TNS3: variants seen among roughly 807,000 people sequenced by gnomAD.
TNS3 encodes the protein tensin 3, also known as tensin-3.
TNS3 carries 45 observed loss-of-function variants against 140.9 expected under a neutral mutation model. That is an observed-to-expected ratio of 0.32 (90% confidence interval 0.25 to 0.41). TNS3 has a LOEUF of 0.41. TNS3 is among the 10% of genes least tolerant of loss of function. TNS3 has a pLI of 1.00. For synonymous variants in TNS3, 815 were observed against 788.4 expected, an observed-to-expected ratio of 1.03 and a Z score of -0.56; for missense variants, 1,716 against 1,906.7, an observed-to-expected ratio of 0.90 and a Z score of 1.86.
intron 20 of TNS3, among the ~76,000 whole-genome samples, chr7:47,322,346 AC>A (rs1787789813): frequency 6.6e-6 from 1 of 151,990 alleles, no homozygotes; most frequent in African/African-American, 2.4e-5. Context: ...ACATGGTGAA[AC>A]CCCGTCTCTA....
At position 47,368,630 on chromosome 7, in the gene TNS3, G is replaced by T. The variant is rs748099326; in HGVS notation, c.2016C>A (p.Asp672Glu). 1.3e-6 allele frequency: 2 copies of T among 1,598,350 alleles called. No individual in the cohort carries two copies. The highest frequency in any genetic ancestry group is 2.7e-5 in the African/African-American group (2 of 74,684). Residue 672 changes from aspartate (D) to glutamate (E), a missense_variant, in exon 17 of 31, where the codon GAC becomes GAA. Physicochemically the swap from Asp to Glu is conservative, Grantham distance 45 (BLOSUM62 2). This residue lies in a region of TNS3 where 1,163 missense variants were observed against 1,182.1 expected (regional missense o/e 0.98). Coordinates refer to ENST00000311160, the MANE Select transcript of TNS3 (RefSeq NM_022748.12). ...SKAFKPRFPG[D>E]QVVNGAGPEL... is the part of the protein sequence containing the mutation. ...CTGGGCCGGCTCCATTCACAACCTGGTCTCCTGGAAACCTGGGTTTGAACG... is the reference window on the plus strand; with the variant it reads ...CTGGGCCGGCTCCATTCACAACCTGTTCTCCTGGAAACCTGGGTTTGAACG...
chr7:47,445,936 T>C (rs1795706438), intron 4 of TNS3, among the ~76,000 whole-genome samples: 2 of 152,212 alleles, frequency 1.3e-5, no homozygotes, highest in African/African-American at 4.8e-5. Flanking sequence ...GTGTGCACCA[T>C]AATGCATTTC....
Position 47,468,447 on chromosome 7 carries a change from A to AAATAAATG in TNS3, c.-76+12655_-76+12656insCATTTATT, listed in dbSNP as rs1346579840. On this transcript the variant is annotated intron_variant, in intron 4 of 30. Transcript: ENST00000311160. ...CAGGGCAAGAATCTGTCTCAAAAAT[A>AAATAAATG]AATAAATAAATAAATAAAATCAGTA... Among the ~76,000 whole-genome samples the AAATAAATG allele has an allele frequency of 4.8e-3, 731 of 152,190 alleles. 6 individuals are homozygous for AAATAAATG. The highest frequency in any genetic ancestry group is 0.017 in the African/African-American group (687 of 41,490).
At chr7:47,466,911 C>T (rs1342819776) in intron 4 of TNS3, among the ~76,000 whole-genome samples, 3 of 152,188 alleles carry the variant, frequency 2.0e-5, no homozygotes, top group Admixed American at 6.5e-5. Flanking sequence ...GTTAAATGCT[C>T]GATTGCTTCT....
chr7:47,317,460 C>T (rs886174929), intron 20 of TNS3, among the ~76,000 whole-genome samples: 1 of 152,212 alleles, frequency 6.6e-6, no homozygotes, highest in African/African-American at 2.4e-5. Flanking sequence ...GGAAAGAAAA[C>T]ACATTTACCA....
intron 20 of TNS3, among the ~76,000 whole-genome samples, chr7:47,329,100 C>G (rs183864133): frequency 4.4e-4 from 67 of 152,278 alleles, no homozygotes; most frequent in Non-Finnish European, 8.1e-4. Context: ...GCTCTGTTCC[C>G]GTGACCCGAA....
At chr7:47,434,772 C>T (rs1406714164) in intron 8 of TNS3, among the ~76,000 whole-genome samples, 2 of 152,192 alleles carry the variant, frequency 1.3e-5, no homozygotes, top group African/African-American at 4.8e-5. Context: ...CAGACAGTCC[C>T]GGCCACTCTG....
At chr7:47,537,553 C>T (rs1429302530) in intron 1 of TNS3, among the ~76,000 whole-genome samples, 1 of 152,126 alleles carries the variant, frequency 6.6e-6, no homozygotes, top group South Asian at 2.1e-4. Flanking sequence ...TACCGACGCG[C>T]CGCGCTTGGC....
chr7:47,479,846 A>C (rs1404440330), intron 4 of TNS3, among the ~76,000 whole-genome samples: 2 of 152,116 alleles, frequency 1.3e-5, no homozygotes, highest in Admixed American at 1.3e-4. Flanking sequence ...GTTAGAGAGC[A>C]CCTCTATGGC....
intron 2 of TNS3, among the ~76,000 whole-genome samples, chr7:47,525,344 G>C (rs334522): frequency 6.6e-6 from 1 of 152,088 alleles, no homozygotes; most frequent in Non-Finnish European, 1.5e-5. Context: ...CTTTGTTCTC[G>C]TGAGTGCCTG....
intron 7 of TNS3, 152 bp from the exon 8 acceptor site, chr7:47,435,556 C>T (rs990524522): frequency 9.2e-7 from 1 of 1,086,670 alleles, no homozygotes; most frequent in African/African-American, 1.6e-5. Flanking sequence ...GCATGAGGAT[C>T]AACTTCCTTC....
intron 16 of TNS3, among the ~76,000 whole-genome samples, chr7:47,396,294 G>A (rs1792824203): frequency 6.6e-6 from 1 of 152,162 alleles, no homozygotes; most frequent in African/African-American, 2.4e-5. Context: ...CAGGTGAACA[G>A]AGGACATGTT....
intron 20 of TNS3, among the ~76,000 whole-genome samples, chr7:47,330,770 C>T (rs961039283): frequency 5.9e-5 from 9 of 152,016 alleles, no homozygotes; most frequent in African/African-American, 1.2e-4. Context: ...AGAAGACACA[C>T]GGGAAGGGAT....
intron 4 of TNS3, among the ~76,000 whole-genome samples, chr7:47,453,787 T>A (rs569155484): frequency 3.6e-4 from 54 of 151,964 alleles, no homozygotes; most frequent in Non-Finnish European, 5.3e-4. Flanking sequence ...TGACATAGAG[T>A]CCCGGACCTG....
At chr7:47,399,411 C>T (rs1416671154) in intron 15 of TNS3, among the ~76,000 whole-genome samples, 1 of 152,094 alleles carries the variant, frequency 6.6e-6, no homozygotes, top group Non-Finnish European at 1.5e-5. Flanking sequence ...CTGGAGGCAT[C>T]GCACTATTGG....
intron 1 of TNS3, among the ~76,000 whole-genome samples, chr7:47,566,347 T>C (rs1800428427): frequency 6.6e-6 from 1 of 152,234 alleles, no homozygotes; most frequent in South Asian, 2.1e-4. Context: ...AATAGCGTGC[T>C]GCCCAAAGGT....
rs112590105 is a variant in TNS3, at chr7:47,447,766, C to G, written c.-75-5711G>C. Among the ~76,000 whole-genome samples the G allele has an allele frequency of 2.0e-5, 3 of 152,338 alleles. 1 individual carries two copies. The highest frequency in any genetic ancestry group is 7.2e-5 in the African/African-American group (3 of 41,560). On this transcript the variant is annotated intron_variant, in intron 4 of 30. Coordinates refer to ENST00000311160, the MANE Select transcript of TNS3 (RefSeq NM_022748.12). The stretch of plus-strand genomic sequence containing the variant: ...TACCCTAAAGCCTCATCCCATCCCA[C>G]AGCGCCCCACCCCACCACGCGCCAT...
At chr7:47,476,046 C>T (rs924190579) in intron 4 of TNS3, among the ~76,000 whole-genome samples, 1 of 152,194 alleles carries the variant, frequency 6.6e-6, no homozygotes, top group South Asian at 2.1e-4. Context: ...CCAGAAGAAC[C>T]GCACTGCCAA....
At chr7:47,293,249 T>C (rs1457307773) in intron 25 of TNS3, among the ~76,000 whole-genome samples, 1 of 152,230 alleles carries the variant, frequency 6.6e-6, no homozygotes, top group African/African-American at 2.4e-5. Context: ...CCCTGCACAA[T>C]GCTTCTTAAC....
Sources: allele counts gnomAD v4.1 joint callset (sites outside exome capture counted in the v4.1 genomes callset), GRCh38; gene constraint gnomAD v4.1.1; regional missense constraint gnomAD v4.1.1; transcripts MANE v1.5; gene names NCBI Gene and HGNC (gene_info 2026-07-23, HGNC 2026-07-21).